The following AFAP1 variants were observed in gnomAD, a reference collection of about 807,000 sequenced individuals.
The protein encoded by AFAP1 is actin filament-associated protein 1.
Under a neutral mutation model 93.9 loss-of-function variants are expected in AFAP1, and 75 were observed. The ratio of observed to expected loss-of-function variants is 0.80; its 90% CI spans 0.66 to 0.97. AFAP1 has a LOEUF of 0.97. Ranked by LOEUF, AFAP1 falls within the 50% of genes least tolerant of loss-of-function variation. The pLI is 0.00. For missense variants in AFAP1, 1,201 were observed against 1,050.8 expected (o/e 1.14, Z -1.98); for synonymous variants, 517 against 430.7 (o/e 1.20, Z -2.48).
intron 8 of AFAP1, 111 bp downstream of exon 8, chr4:7,815,907 G>C: frequency 2.1e-6 from 2 of 943,182 alleles, no homozygotes; most frequent in South Asian, 3.2e-5. Context: ...CTACACATCT[G>C]AATCACCCAG....
Position 7,779,046 on chromosome 4 carries a change from G to A in AFAP1, c.1783-170C>T, listed in dbSNP as rs755033015. 43 of 597,502 alleles carry A rather than the reference G, an allele frequency of 7.2e-5. 1 individual carries two copies. The highest frequency in any genetic ancestry group is 5.5e-4 in the Admixed American group (18 of 32,886). 37.0% of individuals were successfully genotyped at this position (597,502 alleles called of 1,614,324 possible). A position where few individuals can be genotyped will look rare whatever the true frequency, so the allele number is the denominator to read the frequency against. Reference sequence around the variant, plus strand: ...AACCAAGATGGTTTCCAAACACTGGGCTGCTGGGATTCTGGGGAATGGCTA... The same window carrying A: ...AACCAAGATGGTTTCCAAACACTGGACTGCTGGGATTCTGGGGAATGGCTA... On this transcript the variant is annotated intron_variant, in intron 13 of 17. Coordinates refer to ENST00000420658, the MANE Select transcript of AFAP1 (RefSeq NM_001134647.2).
At chr4:7,906,055 G>A (rs1248901494) in intron 1 of AFAP1, among the ~76,000 whole-genome samples, 1 of 152,174 alleles carries the variant, frequency 6.6e-6, no homozygotes, top group East Asian at 1.9e-4. Flanking sequence ...GCTCCAAAAT[G>A]AATAGAAACC....
In AFAP1 at chr4:7,838,264, A is replaced by G. The variant is rs983972595; in HGVS notation, c.726+260T>C. 4.6e-5 allele frequency among the ~76,000 whole-genome samples: 7 copies of G among 152,230 alleles called. No individual in the cohort carries two copies. In the East Asian group the frequency reaches 1.3e-3, roughly 29 times the overall value. On this transcript the variant is annotated intron_variant, in intron 6 of 17. Transcript: ENST00000420658. ...TCATATGCAGACACAATAAAGTGAC[A>G]CTGTGGAAAATAAAAGAGAAAGTCG...
chr4:7,852,958 G>A (rs1302392117), intron 4 of AFAP1, among the ~76,000 whole-genome samples: 1 of 152,188 alleles, frequency 6.6e-6, no homozygotes, highest in African/African-American at 2.4e-5. Flanking sequence ...CTCCTCTGCG[G>A]GGAGTTGGGG....
chr4:7,919,574 G>A (rs979436501), intron 1 of AFAP1, among the ~76,000 whole-genome samples: 20 of 152,192 alleles, frequency 1.3e-4, no homozygotes, highest in Admixed American at 6.5e-4. Context: ...ATGTGCGAAA[G>A]AGCTTTGGGA....
At chr4:7,838,792 C>G in intron 5 of AFAP1, 89 bp from the exon 6 acceptor site, 1 of 1,433,948 alleles carries the variant, frequency 7.0e-7, no homozygotes. Flanking sequence ...AACCTGAGTG[C>G]GGGCAAGGCA....
rs761830725 is a variant in AFAP1 at position 7,781,639 on chromosome 4, A to T, written c.1531-12T>A. On this transcript the variant is annotated splice_polypyrimidine_tract_variant and intron_variant, in intron 12 of 17. Transcript: ENST00000420658. ...TCTTCCGGTTCCCACTGCAACACAC[A>T]TAGCTTTGTGGTTAGTGACTTGGAC... 3.2e-6 allele frequency: 5 copies of T among 1,551,308 alleles called. No homozygotes were observed. Among genetic ancestry groups the T allele is most frequent in the Non-Finnish European group, 4.4e-6 (5 of 1,146,674 alleles).
chr4:7,879,448 C>T (rs952688771), intron 1 of AFAP1, among the ~76,000 whole-genome samples: 5 of 152,082 alleles, frequency 3.3e-5, no homozygotes, highest in Admixed American at 1.3e-4. Flanking sequence ...CTGTTCTGGA[C>T]AGAATGGCGA....
At chr4:7,827,257 T>C (rs1721505399) in intron 6 of AFAP1, among the ~76,000 whole-genome samples, 1 of 151,846 alleles carries the variant, frequency 6.6e-6, no homozygotes, top group South Asian at 2.1e-4. Flanking sequence ...GGACCCAACA[T>C]ACCTACAGAT....
intron 1 of AFAP1, among the ~76,000 whole-genome samples, chr4:7,934,898 G>A (rs1008181647): frequency 3.9e-5 from 6 of 152,226 alleles, no homozygotes; most frequent in African/African-American, 1.2e-4. Context: ...TTTTTTACAC[G>A]GGAATGTAAA....
At chr4:7,792,709 A>C (rs1382709181) in intron 11 of AFAP1, among the ~76,000 whole-genome samples, 1 of 152,226 alleles carries the variant, frequency 6.6e-6, no homozygotes, top group Non-Finnish European at 1.5e-5. Flanking sequence ...GTGGCCTCTC[A>C]TCACGCTACG....
chr4:7,866,199 T>A (rs868797995), intron 3 of AFAP1, among the ~76,000 whole-genome samples: 1 of 125,114 alleles, frequency 8.0e-6, no homozygotes, highest in African/African-American at 3.4e-5. Flanking sequence ...GCCCAGCAGG[T>A]TTTTTGTTTT....
intron 4 of AFAP1, among the ~76,000 whole-genome samples, chr4:7,853,895 C>T (rs1166002030): frequency 1.3e-5 from 2 of 152,178 alleles, no homozygotes; most frequent in African/African-American, 2.4e-5. Context: ...ATTCCCCAGG[C>T]GTGAGTTCCT....
At chr4:7,915,931 G>A (rs1330288027) in intron 1 of AFAP1, among the ~76,000 whole-genome samples, 1 of 152,154 alleles carries the variant, frequency 6.6e-6, no homozygotes, top group Non-Finnish European at 1.5e-5. Context: ...TTAAAAGTGG[G>A]GGTGGTGGAA....
chr4:7,852,157 A>G (rs945091979), intron 4 of AFAP1, among the ~76,000 whole-genome samples: 6 of 152,124 alleles, frequency 3.9e-5, no homozygotes, highest in South Asian at 2.1e-4. Context: ...TTCTGGCACT[A>G]TATGTTCTGA....
intron 6 of AFAP1, among the ~76,000 whole-genome samples, chr4:7,821,267 A>G (rs67943620): frequency 0.12 from 18,081 of 152,208 alleles, 1,187 homozygotes; most frequent in Non-Finnish European, 0.15. Context: ...TGAGACAGTG[A>G]GATCCGCTAT....
chr4:7,870,737 A>T (rs1577321604), intron 2 of AFAP1, among the ~76,000 whole-genome samples: 1 of 152,090 alleles, frequency 6.6e-6, no homozygotes, highest in African/African-American at 2.4e-5. Flanking sequence ...GGCAGGCCCC[A>T]TCGCCCACCC....
intron 9 of AFAP1, among the ~76,000 whole-genome samples, chr4:7,808,955 A>G (rs2149048971): frequency 6.6e-6 from 1 of 152,288 alleles, no homozygotes; most frequent in East Asian, 1.9e-4. Context: ...CAGAACCATA[A>G]GCCAGATAAA....
intron 8 of AFAP1, among the ~76,000 whole-genome samples, chr4:7,812,330 T>C (rs1720120978): frequency 1.3e-5 from 2 of 151,936 alleles, no homozygotes; most frequent in African/African-American, 4.8e-5. Context: ...CGCGGTGAGC[T>C]GGGGTGTCAG....
Sources: allele counts gnomAD v4.1 joint callset (sites outside exome capture counted in the v4.1 genomes callset), GRCh38; gene constraint gnomAD v4.1.1; transcripts MANE v1.5; gene names NCBI Gene and HGNC (gene_info 2026-07-23, HGNC 2026-07-21).